The following DSCAM variants were observed in gnomAD, a reference collection of about 807,000 sequenced individuals.
The protein encoded by DSCAM is cell adhesion molecule DSCAM.
DSCAM carries 47 observed loss-of-function variants against 217.7 expected under a neutral mutation model. The ratio of observed to expected loss-of-function variants is 0.22; its 90% CI spans 0.17 to 0.28. The LOEUF is 0.28. Ranked by LOEUF, DSCAM falls within the 10% of genes least tolerant of loss-of-function variation. The pLI is 1.00. For missense variants in DSCAM, 2,080 were observed against 2,618.3 expected (o/e 0.79, Z 4.49); for synonymous variants, 1,056 against 1,015.3 (o/e 1.04, Z -0.76).
intron 3 of DSCAM, chr21:40,385,389 T>C (rs554183682): frequency 6.6e-6 from 1 of 152,308 alleles, no homozygotes; most frequent in South Asian, 2.1e-4. Context: ...GTATTCCCAG[T>C]CCCTAGAACA....
At chr21:40,749,931 C>A (rs1470514264) in intron 1 of DSCAM, among the ~76,000 whole-genome samples, 1 of 150,794 alleles carries the variant, frequency 6.6e-6, no homozygotes, top group Non-Finnish European at 1.5e-5. Context: ...GCTCCACTTT[C>A]TTCTTCTTTT....
intron 8 of DSCAM, among the ~76,000 whole-genome samples, chr21:40,335,745 G>C (rs989733532): frequency 1.3e-5 from 2 of 152,180 alleles, no homozygotes; most frequent in Non-Finnish European, 2.9e-5. Flanking sequence ...TTTTCAAAAT[G>C]TAGCTCACAG....
chr21:40,728,024 GC>G (rs1006999576), intron 1 of DSCAM, among the ~76,000 whole-genome samples: 2 of 152,096 alleles, frequency 1.3e-5, no homozygotes, highest in African/African-American at 4.8e-5. Context: ...CCTTGGCTGT[GC>G]CGTCTCCCCC....
chr21:40,316,952 T>A (rs1037310972), intron 8 of DSCAM, among the ~76,000 whole-genome samples: 6 of 152,150 alleles, frequency 3.9e-5, no homozygotes, highest in African/African-American at 1.4e-4. Flanking sequence ...AAATCATGGG[T>A]GGGGTGCTCG....
At chr21:40,268,610 G>A (rs943725652) in intron 11 of DSCAM, among the ~76,000 whole-genome samples, 2 of 149,216 alleles carry the variant, frequency 1.3e-5, no homozygotes, top group Non-Finnish European at 2.9e-5. Context: ...TGAAGAGGAG[G>A]AGGAGGAGAA....
At chr21:40,682,377 T>C (rs1017394710) in intron 3 of DSCAM, among the ~76,000 whole-genome samples, 1 of 151,648 alleles carries the variant, frequency 6.6e-6, no homozygotes, top group Non-Finnish European at 1.5e-5. Context: ...AGGAAAGAGA[T>C]AGCACCGAAA....
At chr21:40,096,955 A>T (rs2089684583) in intron 20 of DSCAM, among the ~76,000 whole-genome samples, 1 of 152,122 alleles carries the variant, frequency 6.6e-6, no homozygotes, top group South Asian at 2.1e-4. Context: ...TTCAAAATGA[A>T]AGTGAATAAA....
intron 9 of DSCAM, among the ~76,000 whole-genome samples, chr21:40,299,143 G>A (rs898826906): frequency 1.3e-5 from 2 of 152,254 alleles, no homozygotes; most frequent in East Asian, 1.9e-4. Context: ...CAGTAAGTGA[G>A]CTTCTTAATT....
chr21:40,518,703 TAC>T (rs1343412823), intron 3 of DSCAM, among the ~76,000 whole-genome samples: 1 of 144,328 alleles, frequency 6.9e-6, no homozygotes, highest in Admixed American at 7.3e-5. Flanking sequence ...TATATATATA[TAC>T]ACACACACCA....
At chr21:40,451,658 T>C (rs1050159171) in intron 3 of DSCAM, among the ~76,000 whole-genome samples, 3 of 152,194 alleles carry the variant, frequency 2.0e-5, no homozygotes, top group African/African-American at 7.2e-5. Context: ...CGCAACTGTT[T>C]CCAGAACACA....
At chr21:40,273,728 G>A (rs2073650412) in intron 11 of DSCAM, among the ~76,000 whole-genome samples, 1 of 152,172 alleles carries the variant, frequency 6.6e-6, no homozygotes, top group African/African-American at 2.4e-5. Flanking sequence ...TTCTAAGGCT[G>A]GAAGTCTGAG....
At chr21:40,044,001 C>T (rs2088801218) in intron 31 of DSCAM, 77 bp downstream of exon 31, 1 of 1,495,878 alleles carries the variant, frequency 6.7e-7, no homozygotes, top group South Asian at 1.2e-5. Flanking sequence ...CTCTCCCCTC[C>T]CCAAGGAGCC....
chr21:40,020,758 C>T (rs1432640061), intron 32 of DSCAM, among the ~76,000 whole-genome samples: 1 of 152,190 alleles, frequency 6.6e-6, no homozygotes, highest in Non-Finnish European at 1.5e-5. Context: ...GTGAGCTAAA[C>T]CCAGTTAGTG....
chr21:40,689,154 A>G (rs1411652635), intron 3 of DSCAM, among the ~76,000 whole-genome samples: 1 of 152,256 alleles, frequency 6.6e-6, no homozygotes, highest in Non-Finnish European at 1.5e-5. Context: ...CTAGTGAGAC[A>G]TACTAATAGA....
At chr21:40,024,329 C>T (rs1219051943) in intron 32 of DSCAM, among the ~76,000 whole-genome samples, 1 of 89,098 alleles carries the variant, frequency 1.1e-5, no homozygotes, top group South Asian at 4.2e-4. Flanking sequence ...TTTCTTTTGG[C>T]TTAGGATTGC....
At chr21:40,366,721 T>C (rs1044267549) in intron 4 of DSCAM, among the ~76,000 whole-genome samples, 4 of 152,158 alleles carry the variant, frequency 2.6e-5, no homozygotes, top group African/African-American at 7.2e-5. Context: ...AGAAGGTTCC[T>C]GCAGGAGAGG....
chr21:40,409,490 A>G (rs981565462), intron 3 of DSCAM, among the ~76,000 whole-genome samples: 3 of 152,186 alleles, frequency 2.0e-5, no homozygotes, highest in African/African-American at 7.2e-5. Context: ...CCACAGAGCT[A>G]GAATGTAGGA....
intron 3 of DSCAM, chr21:40,630,525 C>T (rs2089676146): frequency 6.6e-6 from 1 of 152,236 alleles, no homozygotes; most frequent in African/African-American, 2.4e-5. Context: ...TCTTGAACTC[C>T]TGACCTCAAG....
intron 1 of DSCAM, among the ~76,000 whole-genome samples, chr21:40,765,609 T>A (rs925675149): frequency 6.6e-6 from 1 of 152,220 alleles, no homozygotes; most frequent in African/African-American, 2.4e-5. Context: ...CAGAGAGTCA[T>A]TGCAGGTAGG....
Sources: allele counts gnomAD v4.1 joint callset (sites outside exome capture counted in the v4.1 genomes callset), GRCh38; gene constraint gnomAD v4.1.1; transcripts MANE v1.5; gene names NCBI Gene and HGNC (gene_info 2026-07-23, HGNC 2026-07-21).